Variants in GNA12 observed in about 807,000 individuals in gnomAD.
GNA12 encodes the protein G protein subunit alpha 12, also known as guanine nucleotide-binding protein subunit alpha-12.
GNA12 carries 9 observed loss-of-function variants against 26.0 expected under a neutral mutation model. The observed-to-expected ratio is 0.35, with a 90% CI of 0.21 to 0.60. The LOEUF (loss-of-function observed/expected upper bound fraction) is 0.60, where lower values mean the gene tolerates loss of function less well. Among genes scored for constraint, GNA12 ranks in the 20% least tolerant of loss-of-function variants. The pLI is 0.78. For missense variants in GNA12, 405 were observed against 525.8 expected (o/e 0.77, Z 2.25); for synonymous variants, 264 against 219.6 (o/e 1.20, Z -1.79).
At chr7:2,813,281 T>C (rs1793129762) in intron 1 of GNA12, among the ~76,000 whole-genome samples, 1 of 152,268 alleles carries the variant, frequency 6.6e-6, no homozygotes, top group African/African-American at 2.4e-5. Context: ...TAAATATTTA[T>C]GAGCTTTGAG....
At chr7:2,756,541 G>A (rs1791304189) in intron 2 of GNA12, among the ~76,000 whole-genome samples, 1 of 152,076 alleles carries the variant, frequency 6.6e-6, no homozygotes, top group African/African-American at 2.4e-5. Flanking sequence ...CTTGAGCCCG[G>A]GAGGTCGAGG....
chr7:2,794,406 C>T (rs1170793033), intron 2 of GNA12, among the ~76,000 whole-genome samples: 1 of 152,100 alleles, frequency 6.6e-6, no homozygotes, highest in African/African-American at 2.4e-5. Context: ...GCAAAACCCC[C>T]CAGATTTTCT....
At position 2,728,472 on chromosome 7, in the gene GNA12, C is replaced by T. The variant is rs1034661867; in HGVS notation, c.*2709G>A. On this transcript the variant is annotated 3_prime_UTR_variant, in exon 4 of 4. Transcript: ENST00000275364. ...TGACTCAAAATCCTTGAAACAATTT[C>T]TCTACGAACATAAGAGTTAAAAATA... 6.6e-6 allele frequency: 1 copy of T among 152,298 alleles called. No homozygotes were observed. The highest frequency in any genetic ancestry group is 6.5e-5 in the Admixed American group (1 of 15,278). 9.4% of individuals were successfully genotyped at this position (152,298 alleles called of 1,614,324 possible). A position where few individuals can be genotyped will look rare whatever the true frequency, so the allele number is the denominator to read the frequency against.
chr7:2,834,603 T>G (rs1778775293), intron 1 of GNA12, among the ~76,000 whole-genome samples: 1 of 152,220 alleles, frequency 6.6e-6, no homozygotes, highest in African/African-American at 2.4e-5. Flanking sequence ...ATCATCTAAT[T>G]CTTCAAAAAG....
At chr7:2,752,651 C>T (rs540841295) in intron 2 of GNA12, among the ~76,000 whole-genome samples, 1 of 152,324 alleles carries the variant, frequency 6.6e-6, no homozygotes, top group Admixed American at 6.5e-5. Context: ...GTTTTACATA[C>T]TGCCAATAAC....
intron 1 of GNA12, among the ~76,000 whole-genome samples, chr7:2,822,416 CAT>C (rs1793389291): frequency 1.3e-5 from 2 of 152,212 alleles, no homozygotes; most frequent in Non-Finnish European, 2.9e-5. Flanking sequence ...CAATCTAAGA[CAT>C]ATCTTATGGA....
chr7:2,836,417 T>C (rs932561430), intron 1 of GNA12, among the ~76,000 whole-genome samples: 2 of 152,150 alleles, frequency 1.3e-5, no homozygotes, highest in African/African-American at 4.8e-5. Context: ...CCCAGCGACC[T>C]CAGGACTTGA....
rs1028476933 is a variant in GNA12 at position 2,806,854 on chromosome 7, G to C, written c.310-11711C>G. Among the ~76,000 whole-genome samples the C allele has an allele frequency of 4.6e-5, 7 of 152,106 alleles. No individual in the cohort carries two copies. In the South Asian group the frequency reaches 1.2e-3, roughly 27 times the overall value. On this transcript the variant is annotated intron_variant, in intron 1 of 3. Transcript: ENST00000275364. Reference sequence around the variant, plus strand: ...TAAACAACGATGCAAGGAACTCCTTGATACATCCCTATTTTCACATATATG... The same window carrying C: ...TAAACAACGATGCAAGGAACTCCTTCATACATCCCTATTTTCACATATATG...
chr7:2,790,974 T>TA (rs543331692), intron 2 of GNA12, among the ~76,000 whole-genome samples: 24,720 of 130,840 alleles, frequency 0.19, 2,130 homozygotes, highest in Middle Eastern at 0.27. Flanking sequence ...ATTGTCCCTT[T>TA]AAAAAAAAAA....
chr7:2,838,035 T>A (rs540460952), intron 1 of GNA12, among the ~76,000 whole-genome samples: 1 of 152,014 alleles, frequency 6.6e-6, no homozygotes, highest in South Asian at 2.1e-4. Flanking sequence ...GTAAAGTTTC[T>A]ACACTTAAAG....
chr7:2,766,068 A>G (rs1051034753), intron 2 of GNA12, among the ~76,000 whole-genome samples: 21 of 152,214 alleles, frequency 1.4e-4, no homozygotes, highest in African/African-American at 4.8e-4. Flanking sequence ...CCGATCTCCA[A>G]AACTTTTTCA....
At chr7:2,780,029 G>C (rs1248023402) in intron 2 of GNA12, among the ~76,000 whole-genome samples, 2 of 119,402 alleles carry the variant, frequency 1.7e-5, no homozygotes, top group Admixed American at 1.9e-4. Context: ...CCACGTACTA[G>C]TTTTTTACAC....
chr7:2,733,618 G>A (rs1210961524), intron 2 of GNA12, 117 bp from the exon 3 acceptor site: 22 of 751,794 alleles, frequency 2.9e-5, no homozygotes, highest in Admixed American at 1.5e-4. Flanking sequence ...GAATGGGAAA[G>A]CAAAGGAAAA....
chr7:2,836,671 C>T (rs1314471326), intron 1 of GNA12, among the ~76,000 whole-genome samples: 7 of 152,170 alleles, frequency 4.6e-5, no homozygotes, highest in Non-Finnish European at 8.8e-5. Flanking sequence ...CACCTGTAAT[C>T]CCAGCACTTT....
Position 2,731,454 on chromosome 7 carries a change from G to T in GNA12, c.873C>A (p.Ile291=), listed in dbSNP as rs748012133. The T allele has an allele frequency of 6.2e-7, 1 of 1,613,980 alleles. No homozygotes were observed. Among genetic ancestry groups the T allele is most frequent in the Non-Finnish European group, 8.5e-7 (1 of 1,179,902 alleles). Residue 291 remains isoleucine, a synonymous_variant, in exon 4 of 4, where the codon ATC becomes ATA. Coordinates refer to ENST00000275364, the MANE Select transcript of GNA12 (RefSeq NM_007353.3). This position sits in a 1 kb window ranked among gnomAD's most constrained non-coding sequence, Gnocchi z 6.0. ...VNNKLFFNVS[I]ILFLNKMDLL... ...GGTCCATCTTGTTGAGGAAGAGAAT[G>T]ATGGAGACGTTGAAGAAGAGCTTGT...
chr7:2,795,274 CTG>C lies in GNA12; in HGVS notation c.310-133_310-132del, dbSNP rs918100272. The C allele has an allele frequency of 1.2e-5, 8 of 694,936 alleles. No homozygotes were observed. The African/African-American group carries it at 1.4e-4, about 12-fold the overall frequency. The allele number at this position is 694,936 out of a possible 1,614,324, so 43.0% of individuals were successfully genotyped here. On this transcript the variant is annotated intron_variant, in intron 1 of 3. Transcript: ENST00000275364. ...AAGCTCTGAGCTGTGCAGCCTGAGT[CTG>C]TCTCTTGGTTTGTTTGTTGTGATGT...
At position 2,823,505 on chromosome 7, in the gene GNA12, C is replaced by T. The variant is rs76542535; in HGVS notation, c.309+20348G>A. Among the ~76,000 whole-genome samples the T allele has an allele frequency of 9.4e-3, 1,432 of 152,184 alleles. 17 individuals carry two copies. Among genetic ancestry groups the T allele is most frequent in the African/African-American group, 0.032 (1,339 of 41,488 alleles). ...GACAATCATTCTTTGGTCTTTCAAG[C>T]ATGCTAATAATAACCCTCTGCAGAT... On this transcript the variant is annotated intron_variant, in intron 1 of 3. Coordinates refer to ENST00000275364, the MANE Select transcript of GNA12 (RefSeq NM_007353.3).
chr7:2,794,982 G>T lies in GNA12; in HGVS notation c.471C>A (p.Leu157=), dbSNP rs771794152. The T allele has an allele frequency of 6.2e-7, 1 of 1,614,212 alleles. No homozygotes were observed. The highest frequency in any genetic ancestry group is 1.3e-5 in the African/African-American group (1 of 75,054). The change falls in exon 2 of 4, where the codon CTC becomes CTA. Residue 157 remains leucine (L), a synonymous_variant. Coordinates refer to ENST00000275364, the MANE Select transcript of GNA12 (RefSeq NM_007353.3). ...FQLYVPALSA[L]WRDSGIREAF... is the part of the protein sequence containing the mutation. ...CCTCCCTGATGCCAGAATCCCTCCA[G>T]AGTGCGCTCAGGGCCGGGACGTACA...
At chr7:2,797,204 G>C (rs1443430236) in intron 1 of GNA12, among the ~76,000 whole-genome samples, 1 of 152,162 alleles carries the variant, frequency 6.6e-6, no homozygotes, top group Non-Finnish European at 1.5e-5. Flanking sequence ...GGAGTGCAGT[G>C]GCATGAACAT....
Sources: gnomAD v4.1 joint callset for allele counts (sites outside exome capture counted in the v4.1 genomes callset) on GRCh38, gnomAD v4.1.1 for gene constraint, Gnocchi (gnomAD v3.1) non-coding constraint, MANE v1.5 for transcripts, NCBI Gene and HGNC (gene_info 2026-07-23, HGNC 2026-07-21) for gene names.